The following CDH13 variants were observed in gnomAD, a reference collection of about 807,000 sequenced individuals.
CDH13 encodes cadherin 13.
CDH13 carries 24 observed loss-of-function variants against 63.8 expected under a neutral mutation model. That is an observed-to-expected ratio of 0.38 (90% CI 0.27 to 0.53). The LOEUF is 0.53. Among genes scored for constraint, CDH13 ranks in the 20% least tolerant of loss-of-function variants. CDH13 has a pLI of 0.85. For synonymous variants in CDH13, 503 were observed against 355.3 expected (o/e 1.42, Z -4.67); for missense variants, 1,049 against 903.1 (o/e 1.16, Z -2.07).
At chr16:82,890,649 T>TG (rs2041047394) in intron 2 of CDH13, among the ~76,000 whole-genome samples, 8 of 104,110 alleles carry the variant, frequency 7.7e-5, no homozygotes. Context: ...TGAGAGACAT[T>TG]CTTTTTTTTT....
At chr16:83,031,915 CTA>C in intron 2 of CDH13, 93 bp from the exon 3 acceptor site, 1 of 969,998 alleles carries the variant, frequency 1.0e-6, no homozygotes, top group East Asian at 2.6e-5. Flanking sequence ...GGTTGGGAAA[CTA>C]TGTGGTAATT....
intron 1 of CDH13, among the ~76,000 whole-genome samples, chr16:82,832,745 G>T (rs2038602735): frequency 6.6e-6 from 1 of 152,138 alleles, no homozygotes; most frequent in Admixed American, 6.5e-5. Context: ...CAGTCAGCCT[G>T]GTACAAATAA....
At chr16:83,023,914 A>G (rs1340151487) in intron 2 of CDH13, among the ~76,000 whole-genome samples, 2 of 152,210 alleles carry the variant, frequency 1.3e-5, no homozygotes, top group East Asian at 1.9e-4. Flanking sequence ...TTTTGAGTCA[A>G]TGTCTTCCTG....
chr16:83,744,714 C>G (rs1008945253), intron 10 of CDH13, among the ~76,000 whole-genome samples: 20 of 152,174 alleles, frequency 1.3e-4, no homozygotes, highest in South Asian at 6.2e-4. Context: ...GCGCCCCGCA[C>G]AAGACCAAGC....
intron 8 of CDH13, among the ~76,000 whole-genome samples, chr16:83,624,351 C>T (rs1910086201): frequency 6.6e-6 from 1 of 151,756 alleles, no homozygotes; most frequent in Non-Finnish European, 1.5e-5. Flanking sequence ...CCCACCCCTG[C>T]CCCAGGTCAG....
At chr16:83,237,702 G>A (rs1034530268) in intron 5 of CDH13, among the ~76,000 whole-genome samples, 1 of 152,214 alleles carries the variant, frequency 6.6e-6, no homozygotes, top group Admixed American at 6.5e-5. Flanking sequence ...CCCTTGCTAT[G>A]TAATTTGAGG....
chr16:83,646,188 C>T (rs1055014578), intron 8 of CDH13, among the ~76,000 whole-genome samples: 1 of 152,174 alleles, frequency 6.6e-6, no homozygotes, highest in Non-Finnish European at 1.5e-5. Flanking sequence ...CATCTCTCCA[C>T]TCCCTAACTC....
chr16:82,902,388 G>GA (rs61241730), intron 2 of CDH13, among the ~76,000 whole-genome samples: 169 of 138,018 alleles, frequency 1.2e-3, no homozygotes, highest in Admixed American at 1.7e-3. Flanking sequence ...CAGGTTAGGA[G>GA]AAAAAAAAAA....
chr16:83,032,293 C>G lies in CDH13; in HGVS notation c.366+75C>G, dbSNP rs189485423. ...TGTCTGTCTTATGTGGAAAATGGGT[C>G]TTTAATTTATTATGTTGGCTAAGAT... On this transcript the variant is annotated intron_variant, in intron 3 of 13. Transcript: ENST00000567109. The G allele has an allele frequency of 2.0e-4, 219 of 1,112,272 alleles. No individual in the cohort carries two copies. The African/African-American group carries it at 3.2e-3, about 16-fold the overall frequency. The allele number at this position is 1,112,272 out of a possible 1,614,324, so 68.9% of individuals were successfully genotyped here.
At chr16:82,660,126 G>A (rs924371159) in intron 1 of CDH13, among the ~76,000 whole-genome samples, 3 of 152,174 alleles carry the variant, frequency 2.0e-5, no homozygotes, top group Non-Finnish European at 4.4e-5. Context: ...GTTTGGCTGA[G>A]GTTTTGGGTT....
chr16:83,250,338 A>T (rs1905374782), intron 5 of CDH13, among the ~76,000 whole-genome samples: 1 of 152,176 alleles, frequency 6.6e-6, no homozygotes, highest in Admixed American at 6.5e-5. Flanking sequence ...AAGTGTTGAG[A>T]TTAGAGGGAT....
chr16:83,436,102 G>A lies in CDH13; in HGVS notation c.782-50375G>A, dbSNP rs77115160. Among the ~76,000 whole-genome samples, 172 of 152,256 alleles carry A rather than the reference G, an allele frequency of 1.1e-3. 2 individuals carry two copies. The East Asian group carries it at 0.027, about 24-fold the overall frequency. On this transcript the variant is annotated intron_variant, in intron 6 of 13. Transcript: ENST00000567109. ...TCCTGTAGTGCAAAGGGCAGCACCC[G>A]TCACAAAGAATGATTTGGTTCCAAA...
intron 7 of CDH13, among the ~76,000 whole-genome samples, chr16:83,562,417 G>T (rs936077437): frequency 6.6e-5 from 10 of 152,162 alleles, no homozygotes; most frequent in African/African-American, 2.4e-4. Context: ...GTGAACAAGA[G>T]GCAATTGTCT....
intron 2 of CDH13, among the ~76,000 whole-genome samples, chr16:82,966,250 GCCATTCT>G (rs1567701573): frequency 6.6e-6 from 1 of 152,136 alleles, no homozygotes; most frequent in Admixed American, 6.5e-5. Context: ...CCGGGTTGAC[GCCATTCT>G]CCTGCCTCAG....
chr16:83,345,030 A>T, intron 6 of CDH13, 24 bp downstream of exon 6: 1 of 1,610,084 alleles, frequency 6.2e-7, no homozygotes, highest in Non-Finnish European at 8.5e-7. Context: ...GCTTACCTTT[A>T]GCGTAATGGC....
rs1353452071 is a variant in CDH13 at position 83,344,904 on chromosome 16, G to A, written c.679G>A (p.Gly227Arg). 6.2e-7 allele frequency: 1 copy of A among 1,613,808 alleles called. No homozygotes were observed. Among genetic ancestry groups the A allele is most frequent in the Non-Finnish European group, 8.5e-7 (1 of 1,179,840 alleles). Residue 227 changes from glycine to arginine, a missense_variant, in exon 6 of 14, where the codon GGG becomes AGG. Gly to Arg is a moderately radical substitution (Grantham distance 125). Transcript: ENST00000567109. ...TGATGTCAATGGCAAAACTCTCGAGGGGCCGGTGCCTCTGGAAGTCATTGT... is the reference window on the plus strand; with the variant it reads ...TGATGTCAATGGCAAAACTCTCGAGAGGCCGGTGCCTCTGGAAGTCATTGT... ...TTDVNGKTLEGPVPLEVIVID... is the reference protein window; with the variant it reads ...TTDVNGKTLERPVPLEVIVID...
intron 4 of CDH13, among the ~76,000 whole-genome samples, chr16:83,157,351 G>T (rs777043412): frequency 8.5e-5 from 13 of 152,142 alleles, no homozygotes; most frequent in South Asian, 4.2e-4. Context: ...GGAATGGGTG[G>T]CTCTAAGAGA....
Position 83,784,707 on chromosome 16 carries a change from C to T in CDH13, c.2134+1235C>T, listed in dbSNP as rs183327402. Among the ~76,000 whole-genome samples the T allele has an allele frequency of 4.8e-4, 73 of 151,890 alleles. 1 individual carries two copies. In the East Asian group the frequency reaches 0.011, roughly 22 times the overall value. On this transcript the variant is annotated intron_variant, in intron 13 of 13. Coordinates refer to ENST00000567109, the MANE Select transcript of CDH13 (RefSeq NM_001257.5). ...CCTTCAGACTGGGCATTTCTGAAAGCGAACATATCATCTTCCCCTCCTGAC... is the reference window on the plus strand; with the variant it reads ...CCTTCAGACTGGGCATTTCTGAAAGTGAACATATCATCTTCCCCTCCTGAC...
chr16:82,827,413 G>C (rs2038306582), intron 1 of CDH13, among the ~76,000 whole-genome samples: 1 of 152,178 alleles, frequency 6.6e-6, no homozygotes, highest in Non-Finnish European at 1.5e-5. Context: ...GGGAGGTGGA[G>C]CCAGAGGTTC....
Sources: gnomAD v4.1 joint callset for allele counts (sites outside exome capture counted in the v4.1 genomes callset) on GRCh38, gnomAD v4.1.1 for gene constraint, MANE v1.5 for transcripts, NCBI Gene and HGNC (gene_info 2026-07-23, HGNC 2026-07-21) for gene names.